The following ELMO1 variants were observed in gnomAD, a reference collection of about 807,000 sequenced individuals.
ELMO1 encodes engulfment and cell motility 1.
Under a neutral mutation model 98.9 loss-of-function variants are expected in ELMO1, and 26 were observed. The observed-to-expected ratio is 0.26, with a 90% CI of 0.19 to 0.36. The LOEUF is 0.36. Among genes scored for constraint, ELMO1 ranks in the 10% least tolerant of loss-of-function variants. The pLI, the probability that ELMO1 is intolerant of heterozygous loss-of-function variation, is 1.00. For synonymous variants in ELMO1, 346 were observed against 346.0 expected (o/e 1.00, Z 0.00); for missense variants, 627 against 935.2 (o/e 0.67, Z 4.30).
intron 13 of ELMO1, among the ~76,000 whole-genome samples, chr7:37,188,469 CAG>C (rs1554438118): frequency 6.5e-4 from 69 of 106,052 alleles, no homozygotes; most frequent in Non-Finnish European, 6.4e-4. Context: ...CACACACACA[CAG>C]GCCACTGGAG....
intron 2 of ELMO1, among the ~76,000 whole-genome samples, chr7:37,340,519 G>A (rs897040097): frequency 2.0e-5 from 3 of 152,126 alleles, no homozygotes; most frequent in Non-Finnish European, 4.4e-5. Context: ...TTGGATCCTC[G>A]AACAGAATAA....
chr7:37,328,797 A>C lies in ELMO1; in HGVS notation c.79-12837T>G, dbSNP rs367649970. Among the ~76,000 whole-genome samples the C allele has an allele frequency of 4.5e-4, 69 of 152,262 alleles. 1 individual carries two copies. In the South Asian group the frequency reaches 0.014, roughly 31 times the overall value. ...TGCCCAAATCACCATCTCCAACCCC[A>C]ACTTCTCTGTAGTCCTTTCTGTCTC... On this transcript the variant is annotated intron_variant, in intron 2 of 21. Transcript: ENST00000310758.
At chr7:37,306,135 G>T (rs543705553) in intron 4 of ELMO1, among the ~76,000 whole-genome samples, 1 of 152,302 alleles carries the variant, frequency 6.6e-6, no homozygotes, top group East Asian at 1.9e-4. Context: ...GCTCCTAGGT[G>T]TGTGTTTGTT....
chr7:36,964,736 G>A (rs1304602019), intron 16 of ELMO1, among the ~76,000 whole-genome samples: 2 of 151,926 alleles, frequency 1.3e-5, no homozygotes, highest in Non-Finnish European at 2.9e-5. Flanking sequence ...TCCTCCACAT[G>A]GTCTAGAGCT....
At chr7:37,257,521 G>A (rs1181669284) in intron 6 of ELMO1, among the ~76,000 whole-genome samples, 1 of 151,588 alleles carries the variant, frequency 6.6e-6, no homozygotes, top group African/African-American at 2.4e-5. Context: ...TCAAGAGATC[G>A]AGACCATCCT....
chr7:37,232,425 G>A (rs755795171), intron 8 of ELMO1, among the ~76,000 whole-genome samples: 2 of 152,178 alleles, frequency 1.3e-5, no homozygotes, highest in African/African-American at 4.8e-5. Flanking sequence ...AGAGTGACAA[G>A]ATCAAGACTG....
At chr7:37,265,709 C>T (rs1796205654) in intron 5 of ELMO1, among the ~76,000 whole-genome samples, 1 of 152,074 alleles carries the variant, frequency 6.6e-6, no homozygotes, top group African/African-American at 2.4e-5. Flanking sequence ...CTTTGCTCAC[C>T]TGGCTTCTTG....
intron 15 of ELMO1, among the ~76,000 whole-genome samples, chr7:37,093,753 A>G (rs1784240885): frequency 6.6e-6 from 1 of 152,236 alleles, no homozygotes; most frequent in Non-Finnish European, 1.5e-5. Context: ...AACAATCCTT[A>G]ATATTTTATG....
At chr7:36,961,159 A>G (rs927580429) in intron 16 of ELMO1, among the ~76,000 whole-genome samples, 3 of 152,132 alleles carry the variant, frequency 2.0e-5, no homozygotes, top group African/African-American at 7.2e-5. Context: ...ATTTTCCACT[A>G]CTATAAGCTT....
chr7:37,167,379 T>G (rs1380466541), intron 13 of ELMO1, among the ~76,000 whole-genome samples: 1 of 152,116 alleles, frequency 6.6e-6, no homozygotes, highest in African/African-American at 2.4e-5. Context: ...GATCCTGTCA[T>G]TATGATGTTA....
At chr7:37,105,345 C>T (rs1784886396) in intron 14 of ELMO1, among the ~76,000 whole-genome samples, 1 of 152,206 alleles carries the variant, frequency 6.6e-6, no homozygotes, top group Non-Finnish European at 1.5e-5. Flanking sequence ...GGGGCAATCC[C>T]CCAGCTGACT....
At chr7:37,096,053 C>T (rs1222495036) in intron 15 of ELMO1, among the ~76,000 whole-genome samples, 3 of 152,166 alleles carry the variant, frequency 2.0e-5, no homozygotes, top group African/African-American at 7.2e-5. Flanking sequence ...CTTTCTTTTT[C>T]TGTATGTACT....
intron 16 of ELMO1, among the ~76,000 whole-genome samples, chr7:37,007,810 T>A (rs1167869619): frequency 1.3e-5 from 2 of 152,170 alleles, no homozygotes; most frequent in Non-Finnish European, 2.9e-5. Flanking sequence ...CATAGGAGAT[T>A]TCTCAGGATG....
intron 13 of ELMO1, among the ~76,000 whole-genome samples, chr7:37,199,594 A>C (rs1792167613): frequency 6.6e-6 from 1 of 152,162 alleles, no homozygotes; most frequent in South Asian, 2.1e-4. Context: ...CCCATGCCGG[A>C]GTAGGAAGAA....
intron 1 of ELMO1, among the ~76,000 whole-genome samples, chr7:37,421,452 C>T (rs1338277395): frequency 6.6e-6 from 1 of 152,212 alleles, no homozygotes; most frequent in Non-Finnish European, 1.5e-5. Flanking sequence ...CAACAACTTC[C>T]TCAAGCCCCT....
At chr7:37,091,733 G>T (rs1158420645) in intron 15 of ELMO1, among the ~76,000 whole-genome samples, 1 of 152,194 alleles carries the variant, frequency 6.6e-6, no homozygotes, top group Non-Finnish European at 1.5e-5. Flanking sequence ...TAAAGAAAAA[G>T]AGGTTTAATG....
At chr7:37,437,367 T>C (rs1805193318) in intron 1 of ELMO1, among the ~76,000 whole-genome samples, 1 of 152,210 alleles carries the variant, frequency 6.6e-6, no homozygotes, top group Middle Eastern at 3.2e-3. Flanking sequence ...GGGATACACA[T>C]TAGAAGAGCT....
chr7:37,431,154 T>C (rs1464703977), intron 1 of ELMO1, among the ~76,000 whole-genome samples: 1 of 152,044 alleles, frequency 6.6e-6, no homozygotes, highest in East Asian at 1.9e-4. Context: ...ATGGGCAACA[T>C]AGCAAAACCC....
intron 1 of ELMO1, among the ~76,000 whole-genome samples, chr7:37,376,445 T>C (rs552900266): frequency 2.0e-5 from 3 of 152,324 alleles, no homozygotes; most frequent in Admixed American, 6.5e-5. Context: ...TCGCTAATTG[T>C]TTTCATAGAT....
Sources: gnomAD v4.1 joint callset for allele counts (sites outside exome capture counted in the v4.1 genomes callset) on GRCh38, gnomAD v4.1.1 for gene constraint, MANE v1.5 for transcripts, NCBI Gene and HGNC (gene_info 2026-07-23, HGNC 2026-07-21) for gene names.